Variants in GALNT13 observed in about 807,000 individuals in gnomAD.
GALNT13 encodes polypeptide N-acetylgalactosaminyltransferase 13.
A neutral mutation model predicts 64.2 loss-of-function variants in GALNT13; 28 were observed. That is an observed-to-expected ratio of 0.44 (90% CI 0.32 to 0.60). GALNT13 has a LOEUF of 0.60. Among genes scored for constraint, GALNT13 ranks in the 20% least tolerant of loss-of-function variants. The probability of loss-of-function intolerance (pLI) is 0.05; values close to 1 mark genes in which losing one functional copy is unlikely to be tolerated. For synonymous variants in GALNT13, 214 were observed against 224.6 expected, an observed-to-expected ratio of 0.95 and a Z score of 0.42; for missense variants, 577 against 669.8, an observed-to-expected ratio of 0.86 and a Z score of 1.53.
intron 8 of GALNT13, among the ~76,000 whole-genome samples, chr2:154,290,931 G>A (rs997777401): frequency 2.6e-5 from 4 of 151,632 alleles, no homozygotes; most frequent in South Asian, 4.2e-4. Context: ...AGAGCTGTTC[G>A]TCCCTCCCGG....
At chr2:153,389,035 T>G in the GALNT13 span, among the ~76,000 whole-genome samples, 1 of 152,048 alleles carries the variant, frequency 6.6e-6, no homozygotes, top group Non-Finnish European at 1.5e-5. Context: ...GCCGCAGAAT[T>G]CTGTCCTAGG....
At chr2:153,573,334 T>G in the GALNT13 span, among the ~76,000 whole-genome samples, 1 of 152,128 alleles carries the variant, frequency 6.6e-6, no homozygotes, top group South Asian at 2.1e-4. Context: ...ATATGTGCCT[T>G]TTTAGATGCA....
the GALNT13 span, among the ~76,000 whole-genome samples, chr2:153,452,271 T>A: frequency 2.0e-4 from 30 of 152,308 alleles, no homozygotes; most frequent in Middle Eastern, 3.4e-3. Flanking sequence ...ATTGCAGAAT[T>A]AAAAGTATCT....
chr2:154,074,028 T>C (rs1025461087), intron 3 of GALNT13, among the ~76,000 whole-genome samples: 1 of 151,898 alleles, frequency 6.6e-6, no homozygotes, highest in African/African-American at 2.4e-5. Flanking sequence ...TTTATGTATA[T>C]TAATGTTTTA....
At chr2:154,152,426 G>C (rs1684100471) in intron 4 of GALNT13, among the ~76,000 whole-genome samples, 1 of 152,074 alleles carries the variant, frequency 6.6e-6, no homozygotes, top group Non-Finnish European at 1.5e-5. Context: ...AGCTCTTCTT[G>C]AGGAGTATCT....
At chr2:153,404,388 G>A in the GALNT13 span, among the ~76,000 whole-genome samples, 1 of 152,106 alleles carries the variant, frequency 6.6e-6, no homozygotes, top group Non-Finnish European at 1.5e-5. Context: ...TAAATCCAAT[G>A]CCTGCACTGG....
At chr2:153,666,919 T>A in the GALNT13 span, among the ~76,000 whole-genome samples, 1 of 151,558 alleles carries the variant, frequency 6.6e-6, no homozygotes, top group South Asian at 2.1e-4. Flanking sequence ...ATCTAAGGAG[T>A]CCAGTAAAAT....
chr2:154,281,700 A>G (rs1489067028), intron 8 of GALNT13, among the ~76,000 whole-genome samples: 1 of 152,034 alleles, frequency 6.6e-6, no homozygotes, highest in African/African-American at 2.4e-5. Flanking sequence ...CATACCTCTC[A>G]CACACACCGG....
At chr2:154,354,329 C>G (rs1384850934) in intron 9 of GALNT13, among the ~76,000 whole-genome samples, 1 of 150,996 alleles carries the variant, frequency 6.6e-6, no homozygotes, top group East Asian at 1.9e-4. Flanking sequence ...AAATATTTTT[C>G]CCACTCCACA....
chr2:154,408,904 A>G, intron 10 of GALNT13, 80 bp from the exon 11 acceptor site: 3 of 822,062 alleles, frequency 3.6e-6, no homozygotes, highest in Middle Eastern at 4.5e-4. Context: ...AACAATAGAT[A>G]GTAACATGAG....
intron 3 of GALNT13, among the ~76,000 whole-genome samples, chr2:153,990,707 A>G (rs761495121): frequency 1.6e-4 from 25 of 152,184 alleles, no homozygotes; most frequent in Non-Finnish European, 3.1e-4. Flanking sequence ...ATCCCAAAGC[A>G]GTGTTAGCAA....
At chr2:154,264,457 C>G (rs1165966543) in intron 8 of GALNT13, among the ~76,000 whole-genome samples, 1 of 84,022 alleles carries the variant, frequency 1.2e-5, no homozygotes, top group Admixed American at 1.7e-4. Context: ...TCTGTCCTTA[C>G]TAAAAATACA....
intron 3 of GALNT13, among the ~76,000 whole-genome samples, chr2:154,046,485 A>G (rs976477444): frequency 8.5e-5 from 13 of 152,302 alleles, no homozygotes; most frequent in African/African-American, 2.9e-4. Flanking sequence ...CTTTTGTCTA[A>G]TACCTAACAA....
chr2:153,426,691 C>G, the GALNT13 span, among the ~76,000 whole-genome samples: 1 of 151,892 alleles, frequency 6.6e-6, no homozygotes, highest in Non-Finnish European at 1.5e-5. Flanking sequence ...GATGTTTTAC[C>G]TGTTTTGTTG....
intron 8 of GALNT13, among the ~76,000 whole-genome samples, chr2:154,298,480 A>ATATATACATATATATTATATATAAT (rs1693078788): frequency 8.0e-6 from 1 of 125,236 alleles, no homozygotes; most frequent in African/African-American, 2.9e-5. Context: ...TTATATATAA[A>ATATATACATATATATTATATATAAT]TTATATATAA....
chr2:154,203,829 A>G (rs1687298234), intron 4 of GALNT13, among the ~76,000 whole-genome samples: 1 of 152,168 alleles, frequency 6.6e-6, no homozygotes, highest in Non-Finnish European at 1.5e-5. Context: ...TGCCATTGCC[A>G]TTGCACCGTT....
chr2:153,396,974 C>G, the GALNT13 span, among the ~76,000 whole-genome samples: 1 of 151,988 alleles, frequency 6.6e-6, no homozygotes, highest in Non-Finnish European at 1.5e-5. Flanking sequence ...CTGAGTACCA[C>G]AAAAAATGAT....
chr2:153,254,392 A>G, the GALNT13 span, among the ~76,000 whole-genome samples: 1 of 151,834 alleles, frequency 6.6e-6, no homozygotes, highest in African/African-American at 2.4e-5. Context: ...ACAGTCTGTC[A>G]ATTTTGTAGA....
the GALNT13 span, among the ~76,000 whole-genome samples, chr2:153,360,787 A>C: frequency 6.6e-6 from 1 of 152,090 alleles, no homozygotes; most frequent in Non-Finnish European, 1.5e-5. Flanking sequence ...TAGTCTTTCT[A>C]AGGAGTCTAG....
Sources: allele counts gnomAD v4.1 joint callset (sites outside exome capture counted in the v4.1 genomes callset), GRCh38; gene constraint gnomAD v4.1.1; transcripts MANE v1.5; gene names NCBI Gene and HGNC (gene_info 2026-07-23, HGNC 2026-07-21).